The following CCDC3 variants were observed in gnomAD, a reference collection of about 807,000 sequenced individuals.
The protein encoded by CCDC3 is coiled-coil domain containing 3, also known as coiled-coil domain-containing protein 3.
Under a neutral mutation model 21.4 loss-of-function variants are expected in CCDC3, and 24 were observed. That is an observed-to-expected ratio of 1.12 (90% CI 0.81 to 1.58). The LOEUF (loss-of-function observed/expected upper bound fraction) is 1.58. Ranked by LOEUF, CCDC3 falls within the 40% of genes most tolerant of loss-of-function variation. The probability of loss-of-function intolerance (pLI) is 0.00; values close to 1 mark genes in which losing one functional copy is unlikely to be tolerated. For synonymous variants in CCDC3, 186 were observed against 166.0 expected (o/e 1.12, Z -0.93); for missense variants, 425 against 360.9 (o/e 1.18, Z -1.44).
intron 2 of CCDC3, 76 bp from the exon 3 acceptor site, chr10:12,898,755 C>T (rs1328112334): frequency 2.6e-6 from 4 of 1,528,186 alleles, no homozygotes; most frequent in Non-Finnish European, 3.5e-6. Context: ...GTCCCAGAAG[C>T]TTCCCCGAGT....
chr10:12,898,254 A>G lies in CCDC3; in HGVS notation c.*162T>C. On this transcript the variant is annotated 3_prime_UTR_variant, in exon 3 of 3. Coordinates refer to ENST00000378825, the MANE Select transcript of CCDC3 (RefSeq NM_031455.4). ...GGGTCTGACATTGAGGCCAGCACCC[A>G]AGGGGAAAGCAAGCCTTGCATTTTA... 2 of 857,028 alleles carry G rather than the reference A, an allele frequency of 2.3e-6. No individual in the cohort carries two copies. The highest frequency in any genetic ancestry group is 3.5e-6 in the Non-Finnish European group (2 of 569,496). The allele number at this position is 857,028 out of a possible 1,614,324, so 53.1% of individuals were successfully genotyped here.
chr10:12,905,977 A>G (rs950691094), intron 2 of CCDC3, among the ~76,000 whole-genome samples: 1 of 152,252 alleles, frequency 6.6e-6, no homozygotes, highest in Non-Finnish European at 1.5e-5. Flanking sequence ...TGGGAAGCCC[A>G]TGGGCCTTTA....
chr10:12,909,645 G>A (rs1274158119), intron 2 of CCDC3, among the ~76,000 whole-genome samples: 1 of 152,186 alleles, frequency 6.6e-6, no homozygotes, highest in African/African-American at 2.4e-5. Flanking sequence ...CCCTTCCGGT[G>A]TCAGGGCAAA....
chr10:13,030,077 A>C (rs1836279318), intron 5 of CCDC3, among the ~76,000 whole-genome samples: 1 of 152,248 alleles, frequency 6.6e-6, no homozygotes, highest in African/African-American at 2.4e-5. Context: ...AAAAATATTA[A>C]GGGCAGCCAG....
Position 13,007,052 on chromosome 10 carries a change from C to T in CCDC3, c.-1-8540G>A, listed in dbSNP as rs111939947. On this transcript the variant is annotated intron_variant, in intron 5 of 6. Coordinates refer to the CCDC3 transcript ENST00000378839. ...TTACCTTCCCTTTGGCAGTTAAGTGCTGCCGTTTGACCCCTTTTCGATGGC... is the reference window on the plus strand; with the variant it reads ...TTACCTTCCCTTTGGCAGTTAAGTGTTGCCGTTTGACCCCTTTTCGATGGC... Among the ~76,000 whole-genome samples, 1,354 of 152,278 alleles carry T rather than the reference C, an allele frequency of 8.9e-3. 20 individuals are homozygous for T. Among genetic ancestry groups the T allele is most frequent in the African/African-American group, 0.031 (1,293 of 41,548 alleles).
chr10:13,095,904 A>C (rs1290693113), intron 3 of CCDC3, among the ~76,000 whole-genome samples: 2 of 152,248 alleles, frequency 1.3e-5, no homozygotes, highest in Non-Finnish European at 2.9e-5. Flanking sequence ...AATCCCCTCG[A>C]GTTCCTTTGC....
Position 12,898,522 on chromosome 10 carries a change from C to G in CCDC3, c.707G>C (p.Arg236Pro). ...RSLRQARKKGRHLELANQKLS... is the reference protein window; with the variant it reads ...RSLRQARKKGPHLELANQKLS... Reference sequence around the variant, plus strand: ...TTTCTGGTTCGCCAGCTCCAGGTGGCGGCCCTTCTTACGCGCCTGCCGCAA... The same window carrying G: ...TTTCTGGTTCGCCAGCTCCAGGTGGGGGCCCTTCTTACGCGCCTGCCGCAA... Residue 236 changes from arginine (R) to proline (P), a missense_variant, in exon 3 of 3, where the codon CGC becomes CCC. Coordinates refer to ENST00000378825, the MANE Select transcript of CCDC3 (RefSeq NM_031455.4). 6.2e-7 allele frequency: 1 copy of G among 1,614,172 alleles called. No individual in the cohort carries two copies. The highest frequency in any genetic ancestry group is 8.5e-7 in the Non-Finnish European group (1 of 1,180,020).
At chr10:13,090,714 G>A (rs1659846) in intron 3 of CCDC3, among the ~76,000 whole-genome samples, 2,056 of 152,256 alleles carry the variant, frequency 0.014, 48 homozygotes, top group African/African-American at 0.047. Context: ...AATCCTCACC[G>A]GCAGGTGAGG....
chr10:12,940,793 C>T (rs1346827689), intron 2 of CCDC3, among the ~76,000 whole-genome samples: 1 of 152,152 alleles, frequency 6.6e-6, no homozygotes, highest in Non-Finnish European at 1.5e-5. Context: ...GTTCCAAGTT[C>T]TGCAGAAGAA....
chr10:12,964,805 A>G (rs1835237316), intron 2 of CCDC3, among the ~76,000 whole-genome samples: 1 of 152,258 alleles, frequency 6.6e-6, no homozygotes, highest in African/African-American at 2.4e-5. Context: ...TATTAAGAAC[A>G]TGCAGGCATT....
chr10:13,037,987 A>G (rs1836400386), intron 5 of CCDC3, among the ~76,000 whole-genome samples: 1 of 152,198 alleles, frequency 6.6e-6, no homozygotes, highest in Non-Finnish European at 1.5e-5. Flanking sequence ...CCAGGTCTCC[A>G]ACAGATTTCA....
At chr10:12,900,775 T>C (rs754843911) in intron 2 of CCDC3, among the ~76,000 whole-genome samples, 48 of 151,196 alleles carry the variant, frequency 3.2e-4, no homozygotes, top group Admixed American at 1.4e-3. Flanking sequence ...GCTCAGACCC[T>C]GAGGCCAGGC....
intron 5 of CCDC3, among the ~76,000 whole-genome samples, chr10:13,014,153 A>G (rs1242216353): frequency 6.6e-6 from 1 of 151,094 alleles, no homozygotes; most frequent in Non-Finnish European, 1.5e-5. Context: ...TCCATCTCAA[A>G]AAAAAGAAAA....
At chr10:12,985,736 G>A (rs1414829330) in intron 2 of CCDC3, among the ~76,000 whole-genome samples, 1 of 152,228 alleles carries the variant, frequency 6.6e-6, no homozygotes, top group African/African-American at 2.4e-5. Flanking sequence ...AAGATTAAGG[G>A]TTGCCAGAGT....
Position 12,998,506 on chromosome 10 carries a change from A to C in CCDC3, c.381T>G (p.Asp127Glu). Residue 127 changes from aspartate (D) to glutamate (E), a missense_variant, in exon 2 of 3, where the codon GAT (aspartate) becomes GAG (glutamate). By Grantham distance (45) the Asp-to-Glu change is conservative. Transcript: ENST00000378825. ...CGTGAGGCAAGAGGTTATAATTTTC[A>C]TCCATCCTAATGGAGGAAAAAAAGG... ...DYSYFFFLRMDENYNLLPHGV... is the reference protein window; with the variant it reads ...DYSYFFFLRMEENYNLLPHGV... 1 of 1,614,032 alleles carries C rather than the reference A, an allele frequency of 6.2e-7. No homozygotes were observed. The highest frequency in any genetic ancestry group is 8.5e-7 in the Non-Finnish European group (1 of 1,179,958).
At chr10:13,032,472 T>C (rs1017704548) in intron 5 of CCDC3, among the ~76,000 whole-genome samples, 4 of 152,276 alleles carry the variant, frequency 2.6e-5, no homozygotes, top group African/African-American at 9.6e-5. Flanking sequence ...TTCAAAATAG[T>C]GTTGGAAGTT....
intron 5 of CCDC3, among the ~76,000 whole-genome samples, chr10:13,015,316 T>C (rs917404219): frequency 3.9e-5 from 6 of 152,112 alleles, no homozygotes; most frequent in African/African-American, 1.2e-4. Context: ...CAGCCTGTTA[T>C]ACAGATTAGG....
At chr10:13,013,764 T>C (rs1025353256) in intron 5 of CCDC3, among the ~76,000 whole-genome samples, 6 of 152,108 alleles carry the variant, frequency 3.9e-5, no homozygotes, top group African/African-American at 1.4e-4. Context: ...TTGAGGAACA[T>C]TCTACAAAAT....
intron 2 of CCDC3, among the ~76,000 whole-genome samples, chr10:12,989,546 T>C (rs56852755): frequency 0.02 from 3,034 of 152,232 alleles, 126 homozygotes; most frequent in East Asian, 0.15. Flanking sequence ...CTCAGCCTCC[T>C]GAGTAGCTGG....
Sources: gnomAD v4.1 joint callset for allele counts (sites outside exome capture counted in the v4.1 genomes callset) on GRCh38, gnomAD v4.1.1 for gene constraint, MANE v1.5 for transcripts, NCBI Gene and HGNC (gene_info 2026-07-23, HGNC 2026-07-21) for gene names.